The following CLEC2B variants were observed in gnomAD, a reference collection of about 807,000 sequenced individuals.
CLEC2B encodes the protein C-type lectin domain family 2 member B, also known as C-type (calcium dependent, carbohydrate-recognition domain) lectin, superfamily member 2 (activation-induced).
Under a neutral mutation model 16.2 loss-of-function variants are expected in CLEC2B, and 14 were observed. That is an observed-to-expected ratio of 0.86 (90% confidence interval 0.57 to 1.35). CLEC2B has a LOEUF of 1.35. Among genes scored for constraint, CLEC2B ranks in the 40% most tolerant of loss-of-function variants. CLEC2B has a pLI of 0.00. For synonymous variants in CLEC2B, 42 were observed against 55.8 expected, an observed-to-expected ratio of 0.75 and a Z score of 1.10; for missense variants, 166 against 182.3, an observed-to-expected ratio of 0.91 and a Z score of 0.52.
Position 9,854,469 on chromosome 12 carries a change from A to G in CLEC2B, c.253T>C (p.Tyr85His). The G allele has an allele frequency of 1.2e-6, 2 of 1,612,122 alleles. No homozygotes were observed. Among genetic ancestry groups the G allele is most frequent in the Non-Finnish European group, 1.7e-6 (2 of 1,178,244 alleles). The change falls in exon 4 of 5, where the codon TAT becomes CAT. Residue 85 changes from tyrosine (Y) to histidine (H), a missense_variant. Transcript: ENST00000228438. ...ATCCAGTGATCAGAACTGCATTTAT[A>G]CCGCCTAAGAAAATTCTTTAGAGAC... ...NIEEMNFLRR[Y>H]KCSSDHWIGL... is the part of the protein sequence containing the mutation.
At chr12:9,857,239 A>G (rs949046192) in intron 3 of CLEC2B, 9 of 437,200 alleles carry the variant, frequency 2.1e-5, no homozygotes, top group Non-Finnish European at 3.7e-5. Flanking sequence ...TTCTGTGTAC[A>G]CTCTTTAAAA....
At chr12:9,865,366 A>G (rs751532316) in intron 1 of CLEC2B, among the ~76,000 whole-genome samples, 12 of 152,148 alleles carry the variant, frequency 7.9e-5, no homozygotes, top group Admixed American at 2.0e-4. Flanking sequence ...AGCTATACTT[A>G]TATCAGATAA....
intron 2 of CLEC2B, among the ~76,000 whole-genome samples, chr12:9,858,481 A>C (rs553722253): frequency 1.3e-5 from 2 of 152,120 alleles, no homozygotes; most frequent in African/African-American, 4.8e-5. Context: ...ACCAAACATG[A>C]TTCTAAGGAA....
In CLEC2B at chr12:9,853,083, A is replaced by AAGAAAGAAAGAGAGAGAGAGAGAGAGAG; in HGVS notation, c.*216_*217insCTCTCTCTCTCTCTCTCTCTTTCTTTCT. 3.2e-6 allele frequency: 1 copy of AAGAAAGAAAGAGAGAGAGAGAGAGAGAG among 308,292 alleles called. No homozygotes were observed. The highest frequency in any genetic ancestry group is 4.7e-5 in the Admixed American group (1 of 21,266). 19.1% of individuals were successfully genotyped at this position (308,292 alleles called of 1,614,324 possible). ...AAAGAAAGAAAGAAAGAAAGAAAGA[A>AAGAAAGAAAGAGAGAGAGAGAGAGAGAG]AGAGAGAGAGAGAAAGAAAGAAAGA... On this transcript the variant is annotated 3_prime_UTR_variant, in exon 5 of 5. Coordinates refer to ENST00000228438, the MANE Select transcript of CLEC2B (RefSeq NM_005127.3).
intron 1 of CLEC2B, among the ~76,000 whole-genome samples, chr12:9,867,483 C>A (rs1308937300): frequency 6.6e-6 from 1 of 152,038 alleles, no homozygotes; most frequent in Non-Finnish European, 1.5e-5. Context: ...TTTTTAATTT[C>A]CCAGAATCTT....
intron 1 of CLEC2B, among the ~76,000 whole-genome samples, chr12:9,866,242 G>C (rs531890032): frequency 6.6e-6 from 1 of 151,994 alleles, no homozygotes; most frequent in South Asian, 2.1e-4. Context: ...CTCAGGTATC[G>C]AAAAGACAGG....
intron 1 of CLEC2B, among the ~76,000 whole-genome samples, chr12:9,868,813 A>G (rs1221729636): frequency 6.6e-6 from 1 of 152,276 alleles, no homozygotes; most frequent in African/African-American, 2.4e-5. Flanking sequence ...GTATCTTTAC[A>G]CCATCCAATA....
At chr12:9,857,270 C>G (rs1323972907) in intron 3 of CLEC2B, 10 of 544,942 alleles carry the variant, frequency 1.8e-5, no homozygotes, top group Non-Finnish European at 2.9e-5. Flanking sequence ...GGTATTAAGT[C>G]TACTACTTGA....
intron 1 of CLEC2B, among the ~76,000 whole-genome samples, chr12:9,868,258 C>T (rs1591771292): frequency 6.6e-6 from 1 of 151,596 alleles, no homozygotes; most frequent in African/African-American, 2.4e-5. Flanking sequence ...GGCTGGAAGG[C>T]CTTCTTAAAA....
At chr12:9,868,209 A>G (rs1422421449) in intron 1 of CLEC2B, among the ~76,000 whole-genome samples, 2 of 151,334 alleles carry the variant, frequency 1.3e-5, no homozygotes, top group Non-Finnish European at 3.0e-5. Context: ...AAATTTATAC[A>G]ATTGATTGAA....
rs552855875 is a variant in CLEC2B, at chr12:9,863,019, C to T, written c.-2-446G>A. Reference sequence around the variant, plus strand: ...AAAGTGGGGAGGCAGGACTACCATCCCCAATACCAGAAACTGTGCTCTGTT... The same window carrying T: ...AAAGTGGGGAGGCAGGACTACCATCTCCAATACCAGAAACTGTGCTCTGTT... On this transcript the variant is annotated intron_variant, in intron 1 of 4. Transcript: ENST00000228438. Among the ~76,000 whole-genome samples the T allele has an allele frequency of 4.6e-5, 7 of 152,212 alleles. No individual in the cohort carries two copies. The South Asian group carries it at 1.5e-3, about 32-fold the overall frequency.
rs1450414821 is a variant in CLEC2B at position 9,852,892 on chromosome 12, A to T, written c.*408T>A. 1.1e-5 allele frequency: 2 copies of T among 181,060 alleles called. No individual in the cohort carries two copies. Among genetic ancestry groups the T allele is most frequent in the Non-Finnish European group, 2.3e-5 (2 of 85,774 alleles). 11.2% of individuals were successfully genotyped at this position (181,060 alleles called of 1,614,324 possible). A position where few individuals can be genotyped will look rare whatever the true frequency, so the allele number is the denominator to read the frequency against. ...TTCTTGCTCTGTCAGGAGGTACTTC[A>T]TCTTTCCATTTATGTCTTTGTGGAC... On this transcript the variant is annotated 3_prime_UTR_variant, in exon 5 of 5. Coordinates refer to ENST00000228438, the MANE Select transcript of CLEC2B (RefSeq NM_005127.3).
intron 2 of CLEC2B, among the ~76,000 whole-genome samples, chr12:9,858,417 C>A (rs1210131000): frequency 6.6e-6 from 1 of 152,016 alleles, no homozygotes; most frequent in Non-Finnish European, 1.5e-5. Context: ...AAGCCTTATT[C>A]TCATAATATG....
In CLEC2B at chr12:9,853,162, T is replaced by C; in HGVS notation, c.*138A>G. The C allele has an allele frequency of 1.5e-6, 1 of 651,578 alleles. No individual in the cohort carries two copies. The highest frequency in any genetic ancestry group is 2.6e-6 in the Non-Finnish European group (1 of 378,476). The allele number at this position is 651,578 out of a possible 1,614,324, so 40.4% of individuals were successfully genotyped here. A position where few individuals can be genotyped will look rare whatever the true frequency, so the allele number is the denominator to read the frequency against. On this transcript the variant is annotated 3_prime_UTR_variant, in exon 5 of 5. Transcript: ENST00000228438. The stretch of plus-strand genomic sequence containing the variant: ...TTTTTTGCCAATCTTTGAAGTGGCT[T>C]TTATGTGTAGCCTGACACGTAAGCA...
rs746880483 is a variant in CLEC2B, at chr12:9,867,683, G to A, written c.-3+1522C>T. 1.1e-3 allele frequency among the ~76,000 whole-genome samples: 160 copies of A among 152,226 alleles called. 1 individual carries two copies. The highest frequency in any genetic ancestry group is 1.3e-3 in the East Asian group (7 of 5,192). ...TTCAAAGTTGTTGAGCCTTCTTAACGTTTGATGAGGCTATGCTTAAAAGGA... is the reference window on the plus strand; with the variant it reads ...TTCAAAGTTGTTGAGCCTTCTTAACATTTGATGAGGCTATGCTTAAAAGGA... On this transcript the variant is annotated intron_variant, in intron 1 of 4. Coordinates refer to ENST00000228438, the MANE Select transcript of CLEC2B (RefSeq NM_005127.3).
intron 3 of CLEC2B, chr12:9,857,057 G>T: frequency 5.9e-6 from 1 of 168,178 alleles, no homozygotes; most frequent in Non-Finnish European, 1.3e-5. Context: ...GGTAGAGAGT[G>T]TTCTAATGGA....
At chr12:9,854,711 A>C in intron 3 of CLEC2B, 1 of 500,146 alleles carries the variant, frequency 2.0e-6, no homozygotes, top group Non-Finnish European at 3.5e-6. Context: ...ATATGATTCC[A>C]AATTGATAAA....
At chr12:9,868,721 A>G (rs926935680) in intron 1 of CLEC2B, among the ~76,000 whole-genome samples, 5 of 152,096 alleles carry the variant, frequency 3.3e-5, no homozygotes, top group African/African-American at 1.2e-4. Flanking sequence ...AGACATCTCC[A>G]TGGATATCGG....
At chr12:9,868,470 T>C (rs1335660967) in intron 1 of CLEC2B, among the ~76,000 whole-genome samples, 2 of 152,100 alleles carry the variant, frequency 1.3e-5, no homozygotes, top group African/African-American at 4.8e-5. Context: ...AAACGGGAAA[T>C]GCTTAAAGCT....
Sources: allele counts gnomAD v4.1 joint callset (sites outside exome capture counted in the v4.1 genomes callset), GRCh38; gene constraint gnomAD v4.1.1; transcripts MANE v1.5; gene names NCBI Gene and HGNC (gene_info 2026-07-23, HGNC 2026-07-21).